The following CDK14 variants were observed in gnomAD, a reference collection of about 807,000 sequenced individuals.
CDK14 encodes the protein cyclin-dependent kinase 14.
A neutral mutation model predicts 60.7 loss-of-function variants in CDK14; 34 were observed. The ratio of observed to expected loss-of-function variants is 0.56; its 90% CI spans 0.43 to 0.75. The LOEUF (loss-of-function observed/expected upper bound fraction) is 0.75, where lower values mean the gene tolerates loss of function less well. Among genes scored for constraint, CDK14 ranks in the 30% least tolerant of loss-of-function variants. The pLI, the probability that CDK14 is intolerant of heterozygous loss-of-function variation, is 0.00. For synonymous variants in CDK14, 197 were observed against 203.7 expected, an observed-to-expected ratio of 0.97 and a Z score of 0.28; for missense variants, 482 against 564.1, an observed-to-expected ratio of 0.85 and a Z score of 1.47.
In CDK14 at chr7:91,175,661, A is replaced by C. The variant is rs1015417182; in HGVS notation, c.*29-31504A>C. On this transcript the variant is annotated intron_variant, in intron 14 of 14. Coordinates refer to ENST00000380050, the MANE Select transcript of CDK14 (RefSeq NM_001287135.2). Reference sequence around the variant, plus strand: ...AAAAAAAGGCAGGGGTTGCAATCCTAGTTTCTGATAAAACAGACTTTAAAC... The same window carrying C: ...AAAAAAAGGCAGGGGTTGCAATCCTCGTTTCTGATAAAACAGACTTTAAAC... Among the ~76,000 whole-genome samples the C allele has an allele frequency of 7.3e-5, 11 of 151,438 alleles. No homozygotes were observed. The South Asian group carries it at 2.3e-3, about 32-fold the overall frequency.
rs191926865 is a variant in CDK14, at chr7:90,708,394, A to G, written c.124-18173A>G. On this transcript the variant is annotated intron_variant, in intron 2 of 14. Transcript: ENST00000380050. ...GTTCTTGAAAGACCTGTTGAAGTCT[A>G]TTCTGCAAAAATGATGCTCATATAA... Among the ~76,000 whole-genome samples, 773 of 152,282 alleles carry G rather than the reference A, an allele frequency of 5.1e-3. 4 individuals carry two copies. Among genetic ancestry groups the G allele is most frequent in the Non-Finnish European group, 6.4e-3 (433 of 68,010 alleles).
At chr7:90,896,308 A>T (rs1020202312) in intron 6 of CDK14, among the ~76,000 whole-genome samples, 2 of 151,970 alleles carry the variant, frequency 1.3e-5, no homozygotes, top group Admixed American at 6.6e-5. Flanking sequence ...AGATTTTTCT[A>T]TTCATTCCTC....
intron 5 of CDK14, among the ~76,000 whole-genome samples, chr7:90,862,144 G>A (rs1185938353): frequency 6.6e-6 from 1 of 152,096 alleles, no homozygotes; most frequent in Non-Finnish European, 1.5e-5. Context: ...AAATTGCAAG[G>A]TACCTAAAGG....
At chr7:90,730,622 T>C (rs1802824831) in intron 3 of CDK14, among the ~76,000 whole-genome samples, 1 of 152,244 alleles carries the variant, frequency 6.6e-6, no homozygotes, top group Non-Finnish European at 1.5e-5. Flanking sequence ...ATGAGCTTTT[T>C]TTCATGTTTG....
intron 8 of CDK14, among the ~76,000 whole-genome samples, chr7:90,937,832 T>C (rs1403463057): frequency 6.6e-6 from 1 of 152,190 alleles, no homozygotes; most frequent in Non-Finnish European, 1.5e-5. Context: ...TAATAACCAA[T>C]GAGCTGGTAA....
intron 12 of CDK14, among the ~76,000 whole-genome samples, chr7:91,090,154 T>C (rs371031076): frequency 2.0e-5 from 3 of 152,180 alleles, no homozygotes; most frequent in Non-Finnish European, 4.4e-5. Context: ...TCACACTTCT[T>C]TGGGGTGAGT....
intron 6 of CDK14, among the ~76,000 whole-genome samples, chr7:90,869,023 T>A (rs1266667814): frequency 6.6e-6 from 1 of 152,250 alleles, no homozygotes; most frequent in Non-Finnish European, 1.5e-5. Context: ...TCTTTTCAAC[T>A]TGCTACAGAA....
chr7:90,775,266 T>C (rs768688302), intron 4 of CDK14, among the ~76,000 whole-genome samples: 1 of 152,198 alleles, frequency 6.6e-6, no homozygotes, highest in Non-Finnish European at 1.5e-5. Flanking sequence ...CGCGATGCTG[T>C]ATATGGCTTT....
At chr7:91,178,314 G>A (rs2115857127) in intron 14 of CDK14, among the ~76,000 whole-genome samples, 1 of 129,594 alleles carries the variant, frequency 7.7e-6, no homozygotes, top group South Asian at 2.7e-4. Flanking sequence ...ATGAATTCAA[G>A]ATGGATTAAA....
intron 10 of CDK14, among the ~76,000 whole-genome samples, chr7:91,007,425 T>C (rs1796009658): frequency 1.3e-5 from 2 of 152,196 alleles, no homozygotes; most frequent in African/African-American, 4.8e-5. Flanking sequence ...GCCACACCAC[T>C]AAGTTAACCA....
At chr7:91,055,207 G>A (rs566985566) in intron 11 of CDK14, among the ~76,000 whole-genome samples, 22 of 152,194 alleles carry the variant, frequency 1.4e-4, no homozygotes, top group Admixed American at 2.6e-4. Context: ...AAAATAAATC[G>A]TAGATATGGC....
At chr7:90,635,545 T>C (rs1328765185) in intron 2 of CDK14, among the ~76,000 whole-genome samples, 1 of 152,240 alleles carries the variant, frequency 6.6e-6, no homozygotes, top group Non-Finnish European at 1.5e-5. Flanking sequence ...AGCCTTGTAG[T>C]ATAGTTTGAA....
chr7:91,177,291 G>T (rs1355290119), intron 14 of CDK14, among the ~76,000 whole-genome samples: 1 of 136,838 alleles, frequency 7.3e-6, no homozygotes, highest in African/African-American at 2.8e-5. Context: ...AATAAATTAG[G>T]TATTGATGGG....
At chr7:90,976,182 C>A (rs1019794263) in intron 9 of CDK14, among the ~76,000 whole-genome samples, 2 of 152,090 alleles carry the variant, frequency 1.3e-5, no homozygotes. Flanking sequence ...TCCTTGCCAG[C>A]ATTTGTTATT....
intron 2 of CDK14, among the ~76,000 whole-genome samples, chr7:90,667,731 G>T (rs149081985): frequency 0.058 from 8,883 of 152,014 alleles, 362 homozygotes; most frequent in East Asian, 0.19. Flanking sequence ...CACCACGCCC[G>T]GCTAATTTTT....
chr7:90,658,166 G>A (rs1040788752), intron 2 of CDK14, among the ~76,000 whole-genome samples: 1 of 152,110 alleles, frequency 6.6e-6, no homozygotes, highest in Admixed American at 6.6e-5. Flanking sequence ...CTCTATTCCA[G>A]AGATTTCACC....
chr7:91,007,664 C>T (rs1450922523), intron 10 of CDK14, among the ~76,000 whole-genome samples: 2 of 152,082 alleles, frequency 1.3e-5, no homozygotes, highest in African/African-American at 4.8e-5. Flanking sequence ...GAATAGAACC[C>T]TCAGATTCAT....
chr7:91,035,969 G>A (rs554348175), intron 10 of CDK14, among the ~76,000 whole-genome samples: 12 of 148,544 alleles, frequency 8.1e-5, no homozygotes, highest in African/African-American at 3.0e-4. Context: ...TCAGCCTCCC[G>A]AGTAGCTGGG....
Position 90,679,767 on chromosome 7 carries a change from A to G in CDK14, c.124-46800A>G, listed in dbSNP as rs148837159. On this transcript the variant is annotated intron_variant, in intron 2 of 14. Coordinates refer to ENST00000380050, the MANE Select transcript of CDK14 (RefSeq NM_001287135.2). The stretch of plus-strand genomic sequence containing the variant: ...ATCAATCAATTTTTGCTGGCATAGT[A>G]CAGCTATGCTGTATGATTTCTTGTA... 1.3e-3 allele frequency among the ~76,000 whole-genome samples: 194 copies of G among 152,360 alleles called. 1 individual carries two copies. The highest frequency in any genetic ancestry group is 9.1e-3 in the East Asian group (47 of 5,186).
Sources: gnomAD v4.1 joint callset for allele counts (sites outside exome capture counted in the v4.1 genomes callset) on GRCh38, gnomAD v4.1.1 for gene constraint, MANE v1.5 for transcripts, NCBI Gene and HGNC (gene_info 2026-07-23, HGNC 2026-07-21) for gene names.